SLC12A8: variants seen among roughly 807,000 people sequenced by gnomAD.
SLC12A8 encodes cation-chloride cotransporter 9.
In SLC12A8, 69 loss-of-function variants were observed where a neutral mutation model predicts 75.6. That is an observed-to-expected ratio of 0.91 (90% CI 0.75 to 1.11). SLC12A8 has a LOEUF of 1.11. Ranked by LOEUF, SLC12A8 falls within the 50% of genes most tolerant of loss-of-function variation. The pLI is 0.00. For synonymous variants in SLC12A8, 365 were observed against 372.8 expected, an observed-to-expected ratio of 0.98 and a Z score of 0.24; for missense variants, 877 against 896.7, an observed-to-expected ratio of 0.98 and a Z score of 0.28.
In SLC12A8 at chr3:125,085,761, G is replaced by C. The variant is rs532403561; in HGVS notation, c.1983-1709C>G. On this transcript the variant is annotated intron_variant, in intron 13 of 13. Coordinates refer to ENST00000469902, the MANE Select transcript of SLC12A8 (RefSeq NM_024628.6). ...CCGGCTAACTTTTGTATTTTTAGTA[G>C]AGATGGTGTTTTGCCATGTTGCCGA... is the stretch of plus-strand genomic sequence containing the variant. Among the ~76,000 whole-genome samples the C allele has an allele frequency of 4.9e-4, 74 of 152,134 alleles. No individual in the cohort carries two copies. The South Asian group carries it at 0.015, about 30-fold the overall frequency.
chr3:125,173,936 C>G (rs1283941161), intron 5 of SLC12A8, among the ~76,000 whole-genome samples: 1 of 151,994 alleles, frequency 6.6e-6, no homozygotes, highest in Non-Finnish European at 1.5e-5. Context: ...GATAAAAATA[C>G]AAAAAATTAG....
intron 2 of SLC12A8, among the ~76,000 whole-genome samples, chr3:125,209,669 C>A (rs935877188): frequency 2.6e-5 from 4 of 152,168 alleles, no homozygotes; most frequent in Admixed American, 6.5e-5. Flanking sequence ...TTAAGGGAGA[C>A]AGAAAAGAAG....
intron 10 of SLC12A8, among the ~76,000 whole-genome samples, chr3:125,104,281 T>C (rs1307366252): frequency 1.3e-5 from 2 of 152,028 alleles, no homozygotes; most frequent in Non-Finnish European, 2.9e-5. Flanking sequence ...AACTTCCTTT[T>C]TAATTTTTGT....
chr3:125,131,616 G>T (rs1411775886), intron 6 of SLC12A8, among the ~76,000 whole-genome samples: 1 of 152,098 alleles, frequency 6.6e-6, no homozygotes, highest in Non-Finnish European at 1.5e-5. Flanking sequence ...TCAAACTCCC[G>T]GGCTCAAGTG....
intron 2 of SLC12A8, among the ~76,000 whole-genome samples, chr3:125,196,879 C>T (rs62265750): frequency 0.15 from 22,436 of 152,202 alleles, 2,123 homozygotes; most frequent in Middle Eastern, 0.24. Context: ...CAGTGAGCTA[C>T]GATCATGCTG....
chr3:125,122,402 A>C (rs1039125376), intron 6 of SLC12A8, among the ~76,000 whole-genome samples: 2 of 151,984 alleles, frequency 1.3e-5, no homozygotes, highest in African/African-American at 4.8e-5. Flanking sequence ...CTTTCCTCTC[A>C]TTCCCTCCTC....
intron 5 of SLC12A8, among the ~76,000 whole-genome samples, chr3:125,137,217 A>G (rs995905194): frequency 4.6e-5 from 7 of 152,214 alleles, no homozygotes; most frequent in Admixed American, 6.5e-5. Context: ...TCATAACTTC[A>G]TAAGAAAAAT....
chr3:125,103,409 A>G (rs1938934857), intron 10 of SLC12A8, among the ~76,000 whole-genome samples: 1 of 151,440 alleles, frequency 6.6e-6, no homozygotes, highest in Non-Finnish European at 1.5e-5. Flanking sequence ...CCAATTAACA[A>G]GCCCTGCTAA....
At chr3:125,163,331 G>C (rs1026139458) in intron 5 of SLC12A8, among the ~76,000 whole-genome samples, 10 of 151,772 alleles carry the variant, frequency 6.6e-5, no homozygotes, top group Non-Finnish European at 5.9e-5. Context: ...AAGAAAGCCG[G>C]GTGCGGTGGT....
intron 5 of SLC12A8, among the ~76,000 whole-genome samples, chr3:125,137,943 A>ACG (rs1433735258): frequency 4.1e-5 from 6 of 146,916 alleles, no homozygotes; most frequent in Non-Finnish European, 7.4e-5. Flanking sequence ...TCACGCTCAC[A>ACG]CTCACGCTCA....
intron 2 of SLC12A8, among the ~76,000 whole-genome samples, chr3:125,197,164 A>G (rs930315985): frequency 2.6e-5 from 4 of 152,262 alleles, no homozygotes; most frequent in Admixed American, 2.6e-4. Flanking sequence ...AAAAGGACAC[A>G]AGAGCCACTT....
rs921358539 is a variant in SLC12A8, at chr3:125,083,022, C to T, written c.*868G>A. 1.4e-4 allele frequency: 22 copies of T among 152,264 alleles called. No individual in the cohort carries two copies. The highest frequency in any genetic ancestry group is 1.4e-3 in the Admixed American group (21 of 15,300). The allele number at this position is 152,264 out of a possible 1,614,324, so 9.4% of individuals were successfully genotyped here. On this transcript the variant is annotated 3_prime_UTR_variant, in exon 14 of 14. Coordinates refer to ENST00000469902, the MANE Select transcript of SLC12A8 (RefSeq NM_024628.6). Reference sequence around the variant, plus strand: ...GAGAGAATGTGAGACTCTACATTCCCATTTGCTTGTATATCCATAAAGAAA... The same window carrying T: ...GAGAGAATGTGAGACTCTACATTCCTATTTGCTTGTATATCCATAAAGAAA...
At chr3:125,146,765 G>A (rs941315350) in intron 5 of SLC12A8, among the ~76,000 whole-genome samples, 3 of 152,234 alleles carry the variant, frequency 2.0e-5, no homozygotes, top group African/African-American at 4.8e-5. Flanking sequence ...TCAGCCTCCC[G>A]ACTAGCTGGG....
At chr3:125,164,692 C>T (rs1396776041) in intron 5 of SLC12A8, among the ~76,000 whole-genome samples, 1 of 152,222 alleles carries the variant, frequency 6.6e-6, no homozygotes, top group Non-Finnish European at 1.5e-5. Context: ...GCCTTGGTTT[C>T]CTCCACTGAG....
intron 6 of SLC12A8, among the ~76,000 whole-genome samples, chr3:125,133,768 TCA>T (rs1933421297): frequency 6.6e-6 from 1 of 152,192 alleles, no homozygotes; most frequent in Admixed American, 6.5e-5. Flanking sequence ...CCACAGGGTC[TCA>T]CTATGTTGCC....
At chr3:125,206,569 G>A (rs1237699570) in intron 2 of SLC12A8, 2 of 152,254 alleles carry the variant, frequency 1.3e-5, no homozygotes, top group Admixed American at 1.3e-4. Flanking sequence ...ACCACACCAA[G>A]CTAACTCAGG....
At chr3:125,113,463 C>CCATT (rs1939234382) in intron 8 of SLC12A8, among the ~76,000 whole-genome samples, 1 of 152,190 alleles carries the variant, frequency 6.6e-6, no homozygotes, top group African/African-American at 2.4e-5. Context: ...TGTCATCCAT[C>CCATT]CATCCATCCA....
intron 2 of SLC12A8, among the ~76,000 whole-genome samples, chr3:125,210,904 T>C (rs9832863): frequency 0.91 from 138,567 of 152,266 alleles, 63,261 homozygotes; most frequent in African/African-American, 0.98. Flanking sequence ...ACCAGGGCAT[T>C]CAGAAATCCT....
At chr3:125,142,257 C>G (rs538518608) in intron 5 of SLC12A8, among the ~76,000 whole-genome samples, 1 of 152,364 alleles carries the variant, frequency 6.6e-6, no homozygotes, top group African/African-American at 2.4e-5. Context: ...CAGCCCCATC[C>G]TCGCCCGGAC....
Sources: allele counts gnomAD v4.1 joint callset (sites outside exome capture counted in the v4.1 genomes callset), GRCh38; gene constraint gnomAD v4.1.1; transcripts MANE v1.5; gene names NCBI Gene and HGNC (gene_info 2026-07-23, HGNC 2026-07-21).